Variants in FLT1 observed in about 807,000 individuals in gnomAD.
FLT1 encodes vascular endothelial growth factor receptor 1.
In FLT1, 49 loss-of-function variants were observed where a neutral mutation model predicts 156.3. That is an observed-to-expected ratio of 0.31 (90% CI 0.25 to 0.40). FLT1 has a LOEUF of 0.40. FLT1 is among the 10% of genes least tolerant of loss of function. The pLI is 1.00. For synonymous variants in FLT1, 594 were observed against 583.8 expected (o/e 1.02, Z -0.25); for missense variants, 1,322 against 1,637.2 (o/e 0.81, Z 3.32).
At chr13:28,399,259 C>T (rs1331694314) in intron 11 of FLT1, 6 of 516,458 alleles carry the variant, frequency 1.2e-5, no homozygotes, top group Non-Finnish European at 1.4e-5. Context: ...GTGTCAGCTC[C>T]AGCACTGTTT....
chr13:28,369,415 C>T (rs1353180286), intron 14 of FLT1, among the ~76,000 whole-genome samples: 1 of 152,030 alleles, frequency 6.6e-6, no homozygotes, highest in East Asian at 1.9e-4. Context: ...ATCCCAGCTA[C>T]TCACGAGGCT....
intron 14 of FLT1, among the ~76,000 whole-genome samples, chr13:28,365,170 T>C (rs1398752464): frequency 2.6e-5 from 4 of 152,200 alleles, no homozygotes; most frequent in South Asian, 2.1e-4. Context: ...TAGGTTTTCT[T>C]TTATGTCATT....
At chr13:28,449,758 A>G (rs949692111) in intron 3 of FLT1, among the ~76,000 whole-genome samples, 1 of 152,276 alleles carries the variant, frequency 6.6e-6, no homozygotes, top group African/African-American at 2.4e-5. Flanking sequence ...CTTTCTAAAA[A>G]AGAGCTCTTT....
chr13:28,439,695 C>T lies in FLT1; in HGVS notation c.389-1350G>A, dbSNP rs548643090. Among the ~76,000 whole-genome samples the T allele has an allele frequency of 1.3e-5, 2 of 152,296 alleles. No individual in the cohort carries two copies. Among genetic ancestry groups the T allele is most frequent in the African/African-American group, 4.8e-5 (2 of 41,554 alleles). ...TGTGAAGACAGACAGGGTGTGCAGACTCGCACTATGTGCAGATGGAGGCAG... is the reference window on the plus strand; with the variant it reads ...TGTGAAGACAGACAGGGTGTGCAGATTCGCACTATGTGCAGATGGAGGCAG... On this transcript the variant is annotated intron_variant, in intron 3 of 29. Transcript: ENST00000282397. This position sits in a 1 kb window ranked among gnomAD's most constrained non-coding sequence, Gnocchi z 4.1.
In FLT1 at chr13:28,406,116, A is replaced by C. The variant is rs1046497368; in HGVS notation, c.1437-222T>G. ...AAAAGCCCCACACTAGTGTGTCACC[A>C]TACATCCTTTTCGTTGTAAATGTTA... On this transcript the variant is annotated intron_variant, in intron 10 of 29. Transcript: ENST00000282397. 2.0e-5 allele frequency among the ~76,000 whole-genome samples: 3 copies of C among 152,238 alleles called. No homozygotes were observed. In the South Asian group the frequency reaches 6.2e-4, roughly 31 times the overall value.
At chr13:28,354,748 C>T (rs1872841256) in intron 15 of FLT1, among the ~76,000 whole-genome samples, 1 of 151,734 alleles carries the variant, frequency 6.6e-6, no homozygotes, top group Non-Finnish European at 1.5e-5. Flanking sequence ...AAAAAGCAGA[C>T]ACAAGAGTTC....
At chr13:28,368,195 C>T in intron 14 of FLT1, 1 of 369,998 alleles carries the variant, frequency 2.7e-6, no homozygotes, top group Non-Finnish European at 3.9e-6. Context: ...CTCTTGTTGC[C>T]CAGGCTGGAG....
intron 1 of FLT1, among the ~76,000 whole-genome samples, chr13:28,474,313 A>C (rs1430444405): frequency 6.6e-6 from 1 of 151,958 alleles, no homozygotes; most frequent in African/African-American, 2.4e-5. Context: ...AAAATTAGCC[A>C]GGTGTGGTGG....
chr13:28,451,942 G>C (rs1038563109), intron 3 of FLT1, among the ~76,000 whole-genome samples: 1 of 152,166 alleles, frequency 6.6e-6, no homozygotes, highest in Non-Finnish European at 1.5e-5. Context: ...TGAAGGGGCC[G>C]TCCCTGCTTG....
At chr13:28,494,572 G>A (rs942954269) in intron 1 of FLT1, among the ~76,000 whole-genome samples, 1 of 152,198 alleles carries the variant, frequency 6.6e-6, no homozygotes, top group Non-Finnish European at 1.5e-5. Flanking sequence ...GTCCAGGCCA[G>A]CCACTCCTCG....
At chr13:28,389,731 A>G (rs1378406825) in intron 13 of FLT1, 65 bp downstream of exon 13, 3 of 1,613,406 alleles carry the variant, frequency 1.9e-6, no homozygotes, top group South Asian at 2.2e-5. Flanking sequence ...GTGTGGTACA[A>G]TCATTCCTTG....
chr13:28,424,821 A>T (rs1204607191), intron 10 of FLT1, among the ~76,000 whole-genome samples: 2 of 152,238 alleles, frequency 1.3e-5, no homozygotes, highest in Admixed American at 1.3e-4. Flanking sequence ...ATATGTTACC[A>T]TATAACTCAA....
At chr13:28,320,537 G>T (rs1407473726) in intron 23 of FLT1, among the ~76,000 whole-genome samples, 1 of 149,198 alleles carries the variant, frequency 6.7e-6, no homozygotes, top group African/African-American at 2.5e-5. Context: ...GATGAGATTT[G>T]TTTGCATTTT....
At chr13:28,309,113 C>T (rs1480868065) in intron 27 of FLT1, among the ~76,000 whole-genome samples, 186 bp from the exon 28 acceptor site, 2 of 152,118 alleles carry the variant, frequency 1.3e-5, no homozygotes, top group African/African-American at 2.4e-5. Context: ...CACTGCCTCC[C>T]GTGGTTGTCA....
chr13:28,368,703 CTTTTTTT>C, intron 14 of FLT1: 3 of 565,792 alleles, frequency 5.3e-6, no homozygotes, highest in Admixed American at 3.1e-5. Context: ...AGATTGGCAG[CTTTTTTT>C]TTTTTTTTTT....
chr13:28,306,681 A>G lies in FLT1; in HGVS notation c.3812T>C (p.Ile1271Thr). ...TDSKPKASLK[I>T]DLRVTSKSKE... ...AGAAAAGATACCCAATTCTTACTCA[A>G]TCTTGAGCGAGGCCTTGGGTTTGCT... Residue 1271 changes from isoleucine to threonine, a missense_variant, in exon 29 of 30, where the codon ATT (isoleucine) becomes ACT (threonine). By Grantham distance (89) the Ile-to-Thr change is moderately conservative. Transcript: ENST00000282397. 6.2e-7 allele frequency: 1 copy of G among 1,609,902 alleles called. No individual in the cohort carries two copies. The highest frequency in any genetic ancestry group is 8.5e-7 in the Non-Finnish European group (1 of 1,176,210).
intron 3 of FLT1, among the ~76,000 whole-genome samples, chr13:28,461,351 C>T (rs1288853188): frequency 6.6e-6 from 1 of 152,190 alleles, no homozygotes; most frequent in Non-Finnish European, 1.5e-5. Flanking sequence ...TCAAGAGCTG[C>T]AACTCCAGTA....
chr13:28,410,436 A>G (rs1876093261), intron 10 of FLT1, among the ~76,000 whole-genome samples: 1 of 152,242 alleles, frequency 6.6e-6, no homozygotes, highest in Admixed American at 6.5e-5. Context: ...CCATCTGTTT[A>G]GTGCCTGTTA....
At chr13:28,336,711 T>C (rs919621082) in intron 17 of FLT1, among the ~76,000 whole-genome samples, 3 of 151,602 alleles carry the variant, frequency 2.0e-5, no homozygotes, top group African/African-American at 7.3e-5. Context: ...TATTTTTCAA[T>C]AGAAAGATGC....
Sources: gnomAD v4.1 joint callset for allele counts (sites outside exome capture counted in the v4.1 genomes callset) on GRCh38, gnomAD v4.1.1 for gene constraint, Gnocchi (gnomAD v3.1) non-coding constraint, MANE v1.5 for transcripts, NCBI Gene and HGNC (gene_info 2026-07-23, HGNC 2026-07-21) for gene names.